FGF18: variants seen among roughly 807,000 people sequenced by gnomAD.
FGF18 encodes fibroblast growth factor 18.
FGF18 carries 5 observed loss-of-function variants against 23.0 expected under a neutral mutation model. That is an observed-to-expected ratio of 0.22 (90% confidence interval 0.11 to 0.46). The LOEUF (loss-of-function observed/expected upper bound fraction) is 0.46. Among genes scored for constraint, FGF18 ranks in the 20% least tolerant of loss-of-function variants. The pLI is 0.99. For missense variants in FGF18, 180 were observed against 291.6 expected (o/e 0.62, Z 2.79); for synonymous variants, 117 against 118.9 (o/e 0.98, Z 0.10).
intron 2 of FGF18, among the ~76,000 whole-genome samples, chr5:171,431,633 C>T (rs1772182948): frequency 6.6e-6 from 1 of 152,164 alleles, no homozygotes; most frequent in Admixed American, 6.5e-5. Flanking sequence ...CCTAGGCCAC[C>T]ATGCTGTGAG....
chr5:171,423,773 C>CTTTT (rs61255857), intron 2 of FGF18, among the ~76,000 whole-genome samples: 39 of 103,308 alleles, frequency 3.8e-4, no homozygotes, highest in African/African-American at 6.7e-4. Flanking sequence ...GTGGATGGCA[C>CTTTT]TTTTTTTTTT....
At chr5:171,426,255 C>T (rs1237393478) in intron 2 of FGF18, among the ~76,000 whole-genome samples, 1 of 152,136 alleles carries the variant, frequency 6.6e-6, no homozygotes, top group Non-Finnish European at 1.5e-5. Context: ...CCTGCCCGCC[C>T]CCATCAGATA....
chr5:171,452,851 A>G (rs1341098843), intron 4 of FGF18, among the ~76,000 whole-genome samples: 1 of 152,178 alleles, frequency 6.6e-6, no homozygotes, highest in Non-Finnish European at 1.5e-5. Context: ...AAAAGGGAAT[A>G]CGGGGCTTAT....
chr5:171,420,247 CG>C lies in FGF18; in HGVS notation c.32+20del, dbSNP rs1287668745. 4 of 1,585,762 alleles carry C rather than the reference CG, an allele frequency of 2.5e-6. No homozygotes were observed. Among genetic ancestry groups the C allele is most frequent in the Non-Finnish European group, 3.4e-6 (4 of 1,168,624 alleles). ...GCACTTGCCTGTAAGCGCCCGCGCG[CG>C]GGGCTGCCCACCTTGCCTGGCTGTC... is the stretch of plus-strand genomic sequence containing the variant. On this transcript the variant is annotated intron_variant, in intron 1 of 4. Transcript: ENST00000274625.
At chr5:171,442,170 G>T (rs1772355911) in intron 3 of FGF18, among the ~76,000 whole-genome samples, 1 of 152,138 alleles carries the variant, frequency 6.6e-6, no homozygotes, top group Admixed American at 6.5e-5. Flanking sequence ...CAGAGCTCCC[G>T]ATGAACCCTA....
chr5:171,423,136 C>T (rs868709269), intron 2 of FGF18, among the ~76,000 whole-genome samples: 1 of 152,178 alleles, frequency 6.6e-6, no homozygotes, highest in Non-Finnish European at 1.5e-5. Flanking sequence ...CTGCCCCCAG[C>T]TACGTTTCCA....
At chr5:171,446,895 A>G (rs1004991930) in intron 3 of FGF18, among the ~76,000 whole-genome samples, 8 of 152,270 alleles carry the variant, frequency 5.3e-5, no homozygotes, top group Middle Eastern at 3.4e-3. Context: ...GCCCTCAAGG[A>G]TGCTGGGAAG....
intron 4 of FGF18, among the ~76,000 whole-genome samples, chr5:171,450,894 G>C (rs1048879962): frequency 3.9e-5 from 6 of 151,918 alleles, no homozygotes; most frequent in Admixed American, 1.3e-4. Context: ...TTGAGTTTTC[G>C]GCTCGTTTTT....
At chr5:171,420,359 C>T (rs1771985030) in intron 1 of FGF18, 48 bp from the exon 2 acceptor site, 1 of 1,610,198 alleles carries the variant, frequency 6.2e-7, no homozygotes, top group Admixed American at 1.7e-5. Flanking sequence ...TGTCCGTGCG[C>T]CCCCTTCCTC....
rs751217690 is a variant in FGF18 at position 171,456,694 on chromosome 5, C to T, written c.513C>T (p.Asp171=). ...CCAAGACCCGGGAGAACCAGCAGGA[C>T]GTGCATTTCATGAAGCGCTACCCCA... The part of the protein sequence containing the change: ...KGPKTRENQQ[D]VHFMKRYPKG... Residue 171 remains aspartate, a synonymous_variant, in exon 5 of 5, where the codon GAC becomes GAT. Transcript: ENST00000274625. This position sits in a 1 kb window ranked among gnomAD's most constrained non-coding sequence, Gnocchi z 6.1. The T allele has an allele frequency of 1.3e-5, 21 of 1,613,828 alleles. No homozygotes were observed. The East Asian group carries it at 1.3e-4, about 10-fold the overall frequency.
rs901427038 is a variant in FGF18 at position 171,456,996 on chromosome 5, C to T, written c.*191C>T. The T allele has an allele frequency of 1.7e-5, 12 of 694,114 alleles. No individual in the cohort carries two copies. The African/African-American group carries it at 1.8e-4, about 10-fold the overall frequency. The allele number at this position is 694,114 out of a possible 1,614,324, so 43.0% of individuals were successfully genotyped here. A position where few individuals can be genotyped will look rare whatever the true frequency, so the allele number is the denominator to read the frequency against. On this transcript the variant is annotated 3_prime_UTR_variant, in exon 5 of 5. Coordinates refer to ENST00000274625, the MANE Select transcript of FGF18 (RefSeq NM_003862.3). This position sits in a 1 kb window ranked among gnomAD's most constrained non-coding sequence, Gnocchi z 6.1. ...TAAGGATTTTATTGTTGACTTGAAA[C>T]CCCCGATGACAAAAGACTCACGCAA...
In FGF18 at chr5:171,449,211, A is replaced by C; in HGVS notation, c.315A>C (p.Glu105Asp). The change falls in exon 4 of 5, where the codon GAA becomes GAC. Residue 105 changes from glutamate (E) to aspartate (D), a missense_variant. Transcript: ENST00000274625. Reference protein sequence around the residue: ...SQVRIKGKETEFYLCMNRKGK... With the variant: ...SQVRIKGKETDFYLCMNRKGK... ...TCCGGATCAAGGGCAAGGAGACGGA[A>C]TTCTACCTGTGCATGAACCGCAAAG... 6.2e-7 allele frequency: 1 copy of C among 1,614,098 alleles called. No individual in the cohort carries two copies. The highest frequency in any genetic ancestry group is 8.5e-7 in the Non-Finnish European group (1 of 1,180,000).
At chr5:171,438,013 C>T (rs1347900676) in intron 3 of FGF18, among the ~76,000 whole-genome samples, 1 of 152,176 alleles carries the variant, frequency 6.6e-6, no homozygotes, top group Non-Finnish European at 1.5e-5. Flanking sequence ...GCTGTGTGAC[C>T]TCAGACAAGC....
chr5:171,425,756 T>C (rs1045853793), intron 2 of FGF18, among the ~76,000 whole-genome samples: 1 of 149,300 alleles, frequency 6.7e-6, no homozygotes, highest in Non-Finnish European at 1.5e-5. Flanking sequence ...GGTCTCGGTC[T>C]CCTGACCTCG....
chr5:171,433,232 T>C (rs1351925243), intron 2 of FGF18, among the ~76,000 whole-genome samples: 1 of 152,196 alleles, frequency 6.6e-6, no homozygotes, highest in Non-Finnish European at 1.5e-5. Flanking sequence ...CGATAGCCCC[T>C]GCTGACCCTG....
At position 171,436,935 on chromosome 5, in the gene FGF18, C is replaced by T. The variant is rs555585163; in HGVS notation, c.250+662C>T. Among the ~76,000 whole-genome samples, 31 of 152,354 alleles carry T rather than the reference C, an allele frequency of 2.0e-4. 1 individual carries two copies. In the South Asian group the frequency reaches 5.8e-3, roughly 28 times the overall value. On this transcript the variant is annotated intron_variant, in intron 3 of 4. Coordinates refer to ENST00000274625, the MANE Select transcript of FGF18 (RefSeq NM_003862.3). This position sits in a 1 kb window ranked among gnomAD's most constrained non-coding sequence, Gnocchi z 4.4. ...GCTCAGCAGTGAGTGAAACAGGCAG[C>T]GCTCCGCCTTCCCAGAGCTTGGAGG...
intron 3 of FGF18, among the ~76,000 whole-genome samples, chr5:171,443,372 G>A (rs1772372516): frequency 6.6e-6 from 1 of 152,068 alleles, no homozygotes; most frequent in Admixed American, 6.5e-5. Flanking sequence ...CTCAGGTGAT[G>A]TGCCCACCTT....
chr5:171,428,263 G>A (rs573636980), intron 2 of FGF18, among the ~76,000 whole-genome samples: 1 of 152,280 alleles, frequency 6.6e-6, no homozygotes, highest in African/African-American at 2.4e-5. Flanking sequence ...GAGGTTCTCT[G>A]GGGACCGGGA....
intron 2 of FGF18, among the ~76,000 whole-genome samples, chr5:171,425,524 A>G (rs1456779074): frequency 8.2e-5 from 10 of 122,096 alleles, no homozygotes; most frequent in African/African-American, 3.1e-4. Context: ...CCTGGCCGCC[A>G]TGTGCTTTTT....
Sources: gnomAD v4.1 joint callset for allele counts (sites outside exome capture counted in the v4.1 genomes callset) on GRCh38, gnomAD v4.1.1 for gene constraint, Gnocchi (gnomAD v3.1) non-coding constraint, MANE v1.5 for transcripts, NCBI Gene and HGNC (gene_info 2026-07-23, HGNC 2026-07-21) for gene names.